Variants in MTUS2 observed in about 807,000 individuals in gnomAD.
MTUS2 encodes microtubule-associated tumor suppressor candidate 2.
MTUS2 carries 40 observed loss-of-function variants against 114.1 expected under a neutral mutation model. The observed-to-expected ratio is 0.35, with a 90% CI of 0.27 to 0.46. The LOEUF (loss-of-function observed/expected upper bound fraction) is 0.46, where lower values mean the gene tolerates loss of function less well. MTUS2 is among the 20% of genes least tolerant of loss of function. The probability of loss-of-function intolerance (pLI) is 1.00; values close to 1 mark genes in which losing one functional copy is unlikely to be tolerated. For synonymous variants in MTUS2, 688 were observed against 672.0 expected, an observed-to-expected ratio of 1.02 and a Z score of -0.37; for missense variants, 1,679 against 1,705.4, an observed-to-expected ratio of 0.98 and a Z score of 0.27.
intron 6 of MTUS2, among the ~76,000 whole-genome samples, chr13:29,288,342 C>G (rs1397053312): frequency 6.6e-6 from 1 of 152,080 alleles, no homozygotes; most frequent in Non-Finnish European, 1.5e-5. Context: ...GAAGAAGGCT[C>G]ATCTGGAGAA....
At chr13:29,030,541 A>G (rs551786229) in intron 3 of MTUS2, among the ~76,000 whole-genome samples, 72 of 152,094 alleles carry the variant, frequency 4.7e-4, no homozygotes, top group Non-Finnish European at 9.3e-4. Flanking sequence ...TGCTACAGCT[A>G]TGACATGATG....
At chr13:28,923,834 C>T (rs1273723444) in intron 2 of MTUS2, among the ~76,000 whole-genome samples, 2 of 152,174 alleles carry the variant, frequency 1.3e-5, no homozygotes, top group African/African-American at 4.8e-5. Flanking sequence ...GGAGGATCCT[C>T]TTGCCGGTGC....
intron 2 of MTUS2, among the ~76,000 whole-genome samples, chr13:28,868,651 T>G (rs1877440497): frequency 6.6e-6 from 1 of 152,196 alleles, no homozygotes; most frequent in African/African-American, 2.4e-5. Context: ...GGTTTTAAAA[T>G]AGCCTCAGTA....
At chr13:29,359,235 A>G (rs1229811441) in intron 7 of MTUS2, 27 bp from the exon 8 acceptor site, 2 of 1,561,030 alleles carry the variant, frequency 1.3e-6, no homozygotes, top group Non-Finnish European at 1.7e-6. Context: ...TTCACAGGTG[A>G]CCGGGGTTTG....
chr13:28,888,973 A>G (rs1878758595), intron 2 of MTUS2, among the ~76,000 whole-genome samples: 1 of 152,196 alleles, frequency 6.6e-6, no homozygotes, highest in Non-Finnish European at 1.5e-5. Context: ...GTATGCTAGC[A>G]TGAACCATCC....
intron 4 of MTUS2, among the ~76,000 whole-genome samples, chr13:29,082,575 C>T (rs903497608): frequency 4.6e-5 from 7 of 152,132 alleles, no homozygotes; most frequent in Non-Finnish European, 8.8e-5. Flanking sequence ...TTTCATCCTC[C>T]TACAACTTGG....
intron 5 of MTUS2, among the ~76,000 whole-genome samples, chr13:29,165,865 A>T (rs1259166700): frequency 6.6e-6 from 1 of 152,320 alleles, no homozygotes; most frequent in East Asian, 1.9e-4. Flanking sequence ...CACAAAATTG[A>T]TGCAGTGAGG....
At chr13:28,901,685 C>T (rs188538196) in intron 2 of MTUS2, among the ~76,000 whole-genome samples, 21 of 152,252 alleles carry the variant, frequency 1.4e-4, no homozygotes, top group Admixed American at 1.4e-3. Flanking sequence ...GTGAATCTAT[C>T]TCTGGGTTCT....
intron 5 of MTUS2, among the ~76,000 whole-genome samples, chr13:29,229,298 A>G (rs868356504): frequency 4.6e-5 from 7 of 152,154 alleles, no homozygotes; most frequent in Middle Eastern, 3.2e-3. Flanking sequence ...CATTAGTTTC[A>G]TTGTAAAGTA....
chr13:29,098,423 A>AAT (rs1270707779), intron 4 of MTUS2, among the ~76,000 whole-genome samples: 14 of 151,240 alleles, frequency 9.3e-5, no homozygotes, highest in Non-Finnish European at 4.4e-5. Context: ...AGTTGGGGCA[A>AAT]GGTATACTTT....
chr13:29,177,787 A>G (rs1247016422), intron 5 of MTUS2, among the ~76,000 whole-genome samples: 2 of 152,154 alleles, frequency 1.3e-5, no homozygotes, highest in Non-Finnish European at 2.9e-5. Flanking sequence ...AGGACTGCCT[A>G]TAGTAGCATC....
At chr13:28,998,935 A>G (rs570017025) in intron 2 of MTUS2, among the ~76,000 whole-genome samples, 9 of 152,262 alleles carry the variant, frequency 5.9e-5, no homozygotes, top group Non-Finnish European at 8.8e-5. Flanking sequence ...GCTGGTGAGG[A>G]GCTGCGTTCC....
chr13:29,055,056 G>C lies in MTUS2; in HGVS notation c.2446+20931G>C, dbSNP rs565615630. On this transcript the variant is annotated intron_variant, in intron 4 of 15. Transcript: ENST00000612955. Reference sequence around the variant, plus strand: ...AAATGTCAATTAGGTCCAGTTGATTGATAGCGTTATTGCAGTCCTTTACAT... The same window carrying C: ...AAATGTCAATTAGGTCCAGTTGATTCATAGCGTTATTGCAGTCCTTTACAT... Among the ~76,000 whole-genome samples, 5 of 152,130 alleles carry C rather than the reference G, an allele frequency of 3.3e-5. No homozygotes were observed. The South Asian group carries it at 1.0e-3, about 32-fold the overall frequency.
chr13:29,029,772 G>C (rs1886730026), intron 3 of MTUS2, among the ~76,000 whole-genome samples: 1 of 152,120 alleles, frequency 6.6e-6, no homozygotes, highest in Non-Finnish European at 1.5e-5. Context: ...GAGCAAGAGG[G>C]GAGTGGAGGA....
intron 2 of MTUS2, among the ~76,000 whole-genome samples, chr13:28,949,577 C>T (rs755250025): frequency 1.1e-4 from 17 of 151,768 alleles, no homozygotes; most frequent in Admixed American, 2.0e-4. Context: ...CTTTTTTTCA[C>T]CTTGAAAAAC....
At chr13:28,834,358 A>G (rs1456252325) in intron 1 of MTUS2, among the ~76,000 whole-genome samples, 1 of 152,168 alleles carries the variant, frequency 6.6e-6, no homozygotes, top group Non-Finnish European at 1.5e-5. Flanking sequence ...ATTGATCCAT[A>G]AGGCCCAGAA....
At chr13:29,348,807 T>C (rs972121304) in intron 7 of MTUS2, among the ~76,000 whole-genome samples, 24 of 152,250 alleles carry the variant, frequency 1.6e-4, no homozygotes, top group Non-Finnish European at 2.6e-4. Flanking sequence ...AATTAACTTC[T>C]TTATCCCTGG....
chr13:29,083,284 G>A (rs1347808589), intron 4 of MTUS2, among the ~76,000 whole-genome samples: 5 of 152,126 alleles, frequency 3.3e-5, no homozygotes, highest in Non-Finnish European at 7.4e-5. Flanking sequence ...GTCGAATGTC[G>A]AATGAATGCC....
chr13:28,820,994 C>A (rs1031981308), intron 1 of MTUS2, among the ~76,000 whole-genome samples: 1 of 151,952 alleles, frequency 6.6e-6, no homozygotes. Context: ...AGTGAAGCGG[C>A]TTGCTACATC....
Sources: gnomAD v4.1 joint callset for allele counts (sites outside exome capture counted in the v4.1 genomes callset) on GRCh38, gnomAD v4.1.1 for gene constraint, MANE v1.5 for transcripts, NCBI Gene and HGNC (gene_info 2026-07-23, HGNC 2026-07-21) for gene names.